The following DLGAP1 variants were observed in gnomAD, a reference collection of about 807,000 sequenced individuals.
DLGAP1 encodes disks large-associated protein 1.
Under a neutral mutation model 90.8 loss-of-function variants are expected in DLGAP1, and 11 were observed. The observed-to-expected ratio is 0.12, with a 90% CI of 0.08 to 0.20. The LOEUF is 0.20. Among genes scored for constraint, DLGAP1 ranks in the 10% least tolerant of loss-of-function variants. The pLI, the probability that DLGAP1 is intolerant of heterozygous loss-of-function variation, is 1.00. For synonymous variants in DLGAP1, 558 were observed against 540.7 expected (o/e 1.03, Z -0.44); for missense variants, 1,050 against 1,333.8 (o/e 0.79, Z 3.31).
In DLGAP1 at chr18:3,534,743, T is replaced by G. The variant is rs1019083581; in HGVS notation, c.2058-128A>C. ...TCTCACTCTGTCTCCCAGGCTGGAG[T>G]GCAAGTGGCGTGATCTCGGCTCACA... On this transcript the variant is annotated intron_variant, in intron 9 of 12. Coordinates refer to ENST00000315677, the MANE Select transcript of DLGAP1 (RefSeq NM_004746.4). 1.6e-5 allele frequency: 15 copies of G among 911,168 alleles called. No individual in the cohort carries two copies. In the African/African-American group the frequency reaches 1.9e-4, roughly 12 times the overall value. The allele number at this position is 911,168 out of a possible 1,614,324, so 56.4% of individuals were successfully genotyped here.
chr18:3,849,337 C>T lies in DLGAP1; in HGVS notation c.957+29775G>A, dbSNP rs182539320. On this transcript the variant is annotated intron_variant, in intron 4 of 12. Transcript: ENST00000315677. ...CAAAGAGACTCACCTAAGGTTGAGT[C>T]TCTTTGTTAAATTCACTGTGGAGAG... Among the ~76,000 whole-genome samples the T allele has an allele frequency of 1.4e-3, 216 of 152,190 alleles. 3 individuals carry two copies. The highest frequency in any genetic ancestry group is 5.0e-3 in the African/African-American group (206 of 41,534).
intron 2 of DLGAP1, among the ~76,000 whole-genome samples, chr18:4,124,801 T>C (rs1342893013): frequency 6.6e-6 from 1 of 152,224 alleles, no homozygotes; most frequent in Non-Finnish European, 1.5e-5. Context: ...CACATTCTCT[T>C]GATATGGGCT....
Position 4,454,008 on chromosome 18 carries a change from CG to C in DLGAP1, c.-267+997del, listed in dbSNP as rs1213296300. ...TCGGGCTGGAGGCAAGCCCTGCAGC[CG>C]GGGGCGAGCGCGGCACTCGGACACA... On this transcript the variant is annotated intron_variant, in intron 1 of 12. Coordinates refer to ENST00000315677, the MANE Select transcript of DLGAP1 (RefSeq NM_004746.4). The surrounding 1 kb of genome is among the most constrained non-coding windows in gnomAD (Gnocchi z 4.7). 1.3e-5 allele frequency among the ~76,000 whole-genome samples: 2 copies of C among 152,168 alleles called. No individual in the cohort carries two copies. The highest frequency in any genetic ancestry group is 2.9e-5 in the Non-Finnish European group (2 of 68,034).
Position 4,239,555 on chromosome 18 carries a change from G to T in DLGAP1, c.-266-88268C>A, listed in dbSNP as rs542052732. On this transcript the variant is annotated intron_variant, in intron 1 of 12. Transcript: ENST00000315677. ...TTTCTTCTTTTTTTCGTATGGAAGT[G>T]GTACCAAATACTGCTTTAAAAAATA... Among the ~76,000 whole-genome samples the T allele has an allele frequency of 2.6e-5, 4 of 152,118 alleles. No individual in the cohort carries two copies. In the South Asian group the frequency reaches 8.3e-4, roughly 32 times the overall value.
intron 2 of DLGAP1, among the ~76,000 whole-genome samples, chr18:4,128,761 A>C (rs548092130): frequency 6.6e-6 from 1 of 152,160 alleles, no homozygotes; most frequent in Non-Finnish European, 1.5e-5. Context: ...TGGAGAGAAA[A>C]ATACATGCCC....
At chr18:3,922,641 C>T (rs896825169) in intron 3 of DLGAP1, among the ~76,000 whole-genome samples, 13 of 152,098 alleles carry the variant, frequency 8.5e-5, no homozygotes, top group African/African-American at 3.1e-4. Flanking sequence ...TACCTTCTGG[C>T]TTGATCAGGA....
At chr18:3,690,512 C>A (rs2060856678) in intron 7 of DLGAP1, among the ~76,000 whole-genome samples, 1 of 152,026 alleles carries the variant, frequency 6.6e-6, no homozygotes, top group Admixed American at 6.6e-5. Context: ...CGAGCTGGGG[C>A]CCTTGATTGA....
chr18:3,551,490 CTG>C (rs2053418013), intron 9 of DLGAP1, among the ~76,000 whole-genome samples: 1 of 152,110 alleles, frequency 6.6e-6, no homozygotes, highest in Admixed American at 6.5e-5. Flanking sequence ...CTCAGGTGAT[CTG>C]CCCTCCTGGC....
intron 2 of DLGAP1, among the ~76,000 whole-genome samples, chr18:4,071,855 T>C (rs1337207092): frequency 6.6e-6 from 1 of 152,200 alleles, no homozygotes; most frequent in Non-Finnish European, 1.5e-5. Context: ...AATTTCAACT[T>C]TGTTAATTCA....
chr18:3,921,271 A>G (rs1272270074), intron 3 of DLGAP1, among the ~76,000 whole-genome samples: 1 of 152,216 alleles, frequency 6.6e-6, no homozygotes, highest in Non-Finnish European at 1.5e-5. Context: ...ATAAAATGAG[A>G]AGACAACTTT....
At chr18:3,899,627 C>T (rs1364661453) in intron 3 of DLGAP1, among the ~76,000 whole-genome samples, 1 of 152,180 alleles carries the variant, frequency 6.6e-6, no homozygotes, top group Non-Finnish European at 1.5e-5. Context: ...AGAAAATGTC[C>T]TTCCCATTGC....
chr18:4,075,790 G>T (rs960399363), intron 2 of DLGAP1, among the ~76,000 whole-genome samples: 1 of 152,186 alleles, frequency 6.6e-6, no homozygotes, highest in Non-Finnish European at 1.5e-5. Context: ...ACTGTTTCTC[G>T]TTATAGAGTT....
At chr18:3,507,840 G>T (rs1327945586) in intron 11 of DLGAP1, among the ~76,000 whole-genome samples, 1 of 147,058 alleles carries the variant, frequency 6.8e-6, no homozygotes, top group Non-Finnish European at 1.5e-5. Context: ...GGGTTCAAGT[G>T]ATTCTCCTGC....
intron 12 of DLGAP1, among the ~76,000 whole-genome samples, chr18:3,500,671 A>G (rs147604194): frequency 1.3e-4 from 20 of 152,248 alleles, no homozygotes; most frequent in African/African-American, 4.3e-4. Flanking sequence ...CCTCAGGTTC[A>G]TGGGGTGATG....
intron 3 of DLGAP1, among the ~76,000 whole-genome samples, chr18:4,003,258 C>T (rs944472431): frequency 6.6e-6 from 1 of 152,120 alleles, no homozygotes; most frequent in African/African-American, 2.4e-5. Flanking sequence ...TTGGTAGAGA[C>T]AGGGAAGGTG....
chr18:3,898,586 T>C (rs1267114305), intron 3 of DLGAP1, among the ~76,000 whole-genome samples: 2 of 152,210 alleles, frequency 1.3e-5, no homozygotes. Context: ...GGTTGCAGCA[T>C]ATGGCTGCAT....
chr18:3,766,513 C>A (rs182602668), intron 5 of DLGAP1, among the ~76,000 whole-genome samples: 7 of 151,916 alleles, frequency 4.6e-5, no homozygotes, highest in Admixed American at 4.6e-4. Context: ...CCAAGAACAG[C>A]GGAATACTCA....
chr18:3,551,722 C>CCCTT (rs1156785378), intron 9 of DLGAP1, among the ~76,000 whole-genome samples: 278 of 12,526 alleles, frequency 0.022, 7 homozygotes, highest in Non-Finnish European at 0.025. Context: ...CTCCCTCCCT[C>CCCTT]CCTTCCTTCC....
At chr18:3,833,130 ATTCCTTCCTTCCTTCCTTCC>A (rs55783238) in intron 4 of DLGAP1, among the ~76,000 whole-genome samples, 7 of 107,478 alleles carry the variant, frequency 6.5e-5, no homozygotes, top group East Asian at 2.6e-4. Flanking sequence ...GAATTATAAG[ATTCCTTCCTTCCTTCCTTCC>A]TTCCTTCCTT....
Sources: allele counts gnomAD v4.1 joint callset (sites outside exome capture counted in the v4.1 genomes callset), GRCh38; gene constraint gnomAD v4.1.1; non-coding constraint Gnocchi (gnomAD v3.1); transcripts MANE v1.5; gene names NCBI Gene and HGNC (gene_info 2026-07-23, HGNC 2026-07-21).